FARS2: variants seen among roughly 807,000 people sequenced by gnomAD.
FARS2 encodes phenylalanyl-tRNA synthetase 2, mitochondrial.
A neutral mutation model predicts 46.4 loss-of-function variants in FARS2; 40 were observed. That is an observed-to-expected ratio of 0.86 (90% CI 0.67 to 1.12). The LOEUF is 1.12. Among genes scored for constraint, FARS2 ranks in the 50% most tolerant of loss-of-function variants. The probability of loss-of-function intolerance (pLI) is 0.00; values close to 1 mark genes in which losing one functional copy is unlikely to be tolerated. For synonymous variants in FARS2, 234 were observed against 214.9 expected, an observed-to-expected ratio of 1.09 and a Z score of -0.78; for missense variants, 513 against 567.9, an observed-to-expected ratio of 0.90 and a Z score of 0.98.
chr6:5,479,965 C>G (rs1488054338), intron 4 of FARS2, among the ~76,000 whole-genome samples: 3 of 152,222 alleles, frequency 2.0e-5, no homozygotes, highest in African/African-American at 7.2e-5. Context: ...CCTACGGCCC[C>G]CTTCTGTCAT....
At chr6:5,419,846 G>T (rs992884312) in intron 3 of FARS2, among the ~76,000 whole-genome samples, 2 of 152,120 alleles carry the variant, frequency 1.3e-5, no homozygotes, top group African/African-American at 4.8e-5. Context: ...CAGGAGGCAG[G>T]CTCCTGGTTC....
rs759163619 is a variant in FARS2, at chr6:5,262,210, G to T, written c.-22+550G>T. Among the ~76,000 whole-genome samples, 20 of 152,186 alleles carry T rather than the reference G, an allele frequency of 1.3e-4. 1 individual carries two copies. The highest frequency in any genetic ancestry group is 2.5e-4 in the Non-Finnish European group (17 of 68,034). ...CGGTTGTGTTCTCATCTGCTTTAGT[G>T]TATTTGGTTTTGAAACGATATACCT... On this transcript the variant is annotated intron_variant, in intron 1 of 6. Transcript: ENST00000274680.
intron 5 of FARS2, among the ~76,000 whole-genome samples, chr6:5,547,238 C>T (rs142883963): frequency 1.1e-4 from 17 of 152,286 alleles, no homozygotes; most frequent in Admixed American, 3.9e-4. Flanking sequence ...AGGTATGAAC[C>T]ACTGCGCCCG....
chr6:5,356,061 G>A (rs1757905520), intron 1 of FARS2, among the ~76,000 whole-genome samples: 1 of 152,206 alleles, frequency 6.6e-6, no homozygotes, highest in African/African-American at 2.4e-5. Flanking sequence ...GCCTTGTTCA[G>A]CTCTCAAACT....
chr6:5,257,512 G>C (rs992338978), upstream of FARS2, among the ~76,000 whole-genome samples: 3 of 152,182 alleles, frequency 2.0e-5, no homozygotes, highest in African/African-American at 4.8e-5. Context: ...TCTCTCCAGG[G>C]CTTGGTATAG....
intron 1 of FARS2, among the ~76,000 whole-genome samples, chr6:5,340,394 C>A (rs1771472109): frequency 6.6e-6 from 1 of 152,166 alleles, no homozygotes; most frequent in African/African-American, 2.4e-5. Context: ...AAAATTCTAA[C>A]TAAAGTCTAC....
intron 5 of FARS2, among the ~76,000 whole-genome samples, chr6:5,603,830 C>T (rs954388631): frequency 6.6e-6 from 1 of 152,186 alleles, no homozygotes; most frequent in Non-Finnish European, 1.5e-5. Context: ...TTAGGACTCC[C>T]ACATTATCTT....
rs1030176675 is a variant in FARS2, at chr6:5,304,473, G to A, written c.-22+42813G>A. On this transcript the variant is annotated intron_variant, in intron 1 of 6. Transcript: ENST00000274680. Reference sequence around the variant, plus strand: ...TAGAGTCTCAGACATGGCATTACTGGGTCAAAGAGTATGAACATTTTTATG... The same window carrying A: ...TAGAGTCTCAGACATGGCATTACTGAGTCAAAGAGTATGAACATTTTTATG... Among the ~76,000 whole-genome samples the A allele has an allele frequency of 5.9e-5, 9 of 152,284 alleles. 1 individual carries two copies. Among genetic ancestry groups the A allele is most frequent in the Admixed American group, 5.2e-4 (8 of 15,306 alleles).
At chr6:5,363,985 T>C (rs1281646360) in intron 1 of FARS2, among the ~76,000 whole-genome samples, 3 of 152,260 alleles carry the variant, frequency 2.0e-5, no homozygotes, top group African/African-American at 7.2e-5. Flanking sequence ...ACAGAAATTG[T>C]AATGTGGCTA....
intron 2 of FARS2, among the ~76,000 whole-genome samples, chr6:5,393,656 A>G (rs541333743): frequency 6.6e-6 from 1 of 152,028 alleles, no homozygotes; most frequent in East Asian, 1.9e-4. Flanking sequence ...ACTCCACCTA[A>G]AAAAAAGGCA....
intron 6 of FARS2, among the ~76,000 whole-genome samples, chr6:5,744,721 C>T (rs1234207158): frequency 6.6e-6 from 1 of 152,232 alleles, no homozygotes; most frequent in African/African-American, 2.4e-5. Flanking sequence ...TCAGTGGCTT[C>T]TGCAACACAC....
chr6:5,629,320 GGGGTA>G (rs1454491842), intron 6 of FARS2, among the ~76,000 whole-genome samples: 2 of 152,186 alleles, frequency 1.3e-5, no homozygotes, highest in African/African-American at 4.8e-5. Flanking sequence ...ATTTCAAACA[GGGGTA>G]GCACCTTACT....
intron 4 of FARS2, among the ~76,000 whole-genome samples, chr6:5,526,962 A>G (rs1769503785): frequency 6.6e-6 from 1 of 152,248 alleles, no homozygotes; most frequent in Admixed American, 6.5e-5. Flanking sequence ...TATATGTACC[A>G]TAATACTTCA....
intron 1 of FARS2, among the ~76,000 whole-genome samples, chr6:5,269,180 C>G (rs1201910581): frequency 1.3e-5 from 2 of 152,076 alleles, no homozygotes; most frequent in Non-Finnish European, 2.9e-5. Flanking sequence ...GAGTTCATGC[C>G]CTTTGTAGGG....
chr6:5,462,815 A>G lies in FARS2; in HGVS notation c.904+31643A>G, dbSNP rs75770974. 5.0e-3 allele frequency among the ~76,000 whole-genome samples: 765 copies of G among 152,342 alleles called. 4 individuals carry two copies. The highest frequency in any genetic ancestry group is 0.018 in the African/African-American group (734 of 41,590). On this transcript the variant is annotated intron_variant, in intron 4 of 6. Transcript: ENST00000274680. ...CTACTGCCTTTGTATTAGAATACCA[A>G]TTTTGTCAATCTCACAAAAATGTCT...
intron 4 of FARS2, among the ~76,000 whole-genome samples, chr6:5,472,096 C>T (rs538410314): frequency 7.2e-5 from 11 of 152,278 alleles, no homozygotes; most frequent in South Asian, 6.2e-4. Flanking sequence ...CAGCCCCCTC[C>T]GACCTCATTG....
At chr6:5,492,048 G>A (rs1323792039) in intron 4 of FARS2, among the ~76,000 whole-genome samples, 6 of 151,990 alleles carry the variant, frequency 3.9e-5, no homozygotes, top group South Asian at 2.1e-4. Flanking sequence ...AAGAACTACC[G>A]TTATCTAGGT....
At chr6:5,404,516 A>C (rs561270136) in intron 2 of FARS2, 26 bp from the exon 3 acceptor site, 24 of 1,527,646 alleles carry the variant, frequency 1.6e-5, no homozygotes, top group Non-Finnish European at 2.1e-5. Context: ...TATTTTCTTT[A>C]TTTATACTTT....
intron 6 of FARS2, among the ~76,000 whole-genome samples, chr6:5,644,968 A>C (rs1317334484): frequency 1.3e-5 from 2 of 152,098 alleles, no homozygotes; most frequent in African/African-American, 4.8e-5. Flanking sequence ...GACTGAACAA[A>C]CTCTCAGAGC....
Sources: allele counts gnomAD v4.1 joint callset (sites outside exome capture counted in the v4.1 genomes callset), GRCh38; gene constraint gnomAD v4.1.1; transcripts MANE v1.5; gene names NCBI Gene and HGNC (gene_info 2026-07-23, HGNC 2026-07-21).